Variants in GRM1 observed in about 807,000 individuals in gnomAD.
The protein encoded by GRM1 is metabotropic glutamate receptor 1.
A neutral mutation model predicts 90.9 loss-of-function variants in GRM1; 33 were observed. That is an observed-to-expected ratio of 0.36 (90% CI 0.28 to 0.49). The LOEUF (loss-of-function observed/expected upper bound fraction) is 0.49. GRM1 is among the 20% of genes least tolerant of loss of function. The probability of loss-of-function intolerance (pLI) is 0.99; values close to 1 mark genes in which losing one functional copy is unlikely to be tolerated. For missense variants in GRM1, 1,190 were observed against 1,534.3 expected (o/e 0.78, Z 3.75); for synonymous variants, 700 against 613.2 (o/e 1.14, Z -2.09).
intron 1 of GRM1, among the ~76,000 whole-genome samples, chr6:146,070,609 T>C (rs1279068816): frequency 2.6e-5 from 4 of 152,170 alleles, no homozygotes; most frequent in African/African-American, 9.6e-5. Flanking sequence ...ATTTTCCTAC[T>C]ATACCAGGTA....
intron 1 of GRM1, among the ~76,000 whole-genome samples, chr6:146,069,341 C>T (rs1241642739): frequency 1.3e-5 from 2 of 152,090 alleles, no homozygotes; most frequent in Non-Finnish European, 2.9e-5. Context: ...TATTACATTA[C>T]ATTACATTAC....
intron 5 of GRM1, among the ~76,000 whole-genome samples, chr6:146,373,702 A>G (rs1252748808): frequency 6.6e-6 from 1 of 152,114 alleles, no homozygotes. Context: ...TGATTTTTGT[A>G]TGTTGATTTT....
At chr6:146,144,820 AC>A (rs1777027619) in intron 1 of GRM1, among the ~76,000 whole-genome samples, 1 of 152,058 alleles carries the variant, frequency 6.6e-6, no homozygotes, top group Admixed American at 6.5e-5. Context: ...AAAATCTGAT[AC>A]TCCTTAGAGG....
intron 6 of GRM1, among the ~76,000 whole-genome samples, chr6:146,396,505 G>A (rs1255818882): frequency 6.6e-6 from 1 of 152,192 alleles, no homozygotes; most frequent in Non-Finnish European, 1.5e-5. Context: ...CTCAGGGCCA[G>A]CTTGGATTGG....
intron 2 of GRM1, among the ~76,000 whole-genome samples, chr6:146,228,061 G>A (rs1410888788): frequency 6.6e-6 from 1 of 152,080 alleles, no homozygotes; most frequent in African/African-American, 2.4e-5. Context: ...TGTACAAAAT[G>A]TTAAGGCCTC....
chr6:146,292,491 A>T (rs923648844), intron 2 of GRM1, among the ~76,000 whole-genome samples: 7 of 152,014 alleles, frequency 4.6e-5, no homozygotes, highest in African/African-American at 1.2e-4. Context: ...CAAAGAAAAC[A>T]TACAAGTGAC....
At chr6:146,250,678 A>G (rs991043500) in intron 2 of GRM1, among the ~76,000 whole-genome samples, 9 of 152,190 alleles carry the variant, frequency 5.9e-5, no homozygotes, top group Non-Finnish European at 1.0e-4. Context: ...AGAGGAGAAA[A>G]CTGAGTCACA....
At chr6:146,118,595 T>A in intron 1 of GRM1, among the ~76,000 whole-genome samples, 1 of 152,308 alleles carries the variant, frequency 6.6e-6, no homozygotes, top group Middle Eastern at 3.4e-3. Flanking sequence ...TCCCCACTAC[T>A]CCCACCCTGC....
intron 2 of GRM1, among the ~76,000 whole-genome samples, chr6:146,260,804 GTTTTTTTTTTTTTTT>G (rs56956724): frequency 6.6e-4 from 15 of 22,746 alleles, no homozygotes; most frequent in Admixed American, 1.3e-3. Context: ...GGTTATTTGG[GTTTTTTTTTTTTTTT>G]TTTTTTTTTT....
At chr6:146,348,578 T>C (rs1472222968) in intron 3 of GRM1, among the ~76,000 whole-genome samples, 1 of 152,152 alleles carries the variant, frequency 6.6e-6, no homozygotes, top group Non-Finnish European at 1.5e-5. Context: ...ACAAACTCTG[T>C]GTTTATTTTG....
At chr6:146,318,158 A>G (rs910716340) in intron 3 of GRM1, among the ~76,000 whole-genome samples, 5 of 151,664 alleles carry the variant, frequency 3.3e-5, no homozygotes, top group African/African-American at 1.2e-4. Flanking sequence ...CTAGCCCCCT[A>G]TCCCCCAACA....
intron 3 of GRM1, among the ~76,000 whole-genome samples, chr6:146,331,265 T>A (rs1784580514): frequency 1.3e-5 from 2 of 152,180 alleles, no homozygotes; most frequent in South Asian, 4.1e-4. Flanking sequence ...TCTCATGCCC[T>A]CTTAGAGCTA....
chr6:146,270,121 A>G (rs1583250872), intron 2 of GRM1, among the ~76,000 whole-genome samples: 2 of 152,090 alleles, frequency 1.3e-5, no homozygotes, highest in East Asian at 3.9e-4. Flanking sequence ...GAAAAATTAG[A>G]TTTAGGTAGG....
chr6:146,058,115 T>G (rs886561383), intron 1 of GRM1, among the ~76,000 whole-genome samples: 1 of 152,124 alleles, frequency 6.6e-6, no homozygotes, highest in African/African-American at 2.4e-5. Context: ...TTCGGGTGAT[T>G]GTAACATCAC....
chr6:146,434,926 T>TGCTGCCGCTACTGCTGCTGCTGCC lies in GRM1; in HGVS notation c.*131_*154dup. Reference sequence around the variant, plus strand: ...CGGGAGGACAGGAGACCGCTGCTGCTGCTGCCGCTACTGCTGCTGCTGCCT... The same window carrying TGCTGCCGCTACTGCTGCTGCTGCC: ...CGGGAGGACAGGAGACCGCTGCTGCTGCTGCCGCTACTGCTGCTGCTGCCGCTGCCGCTACTGCTGCTGCTGCCT... On this transcript the variant is annotated 3_prime_UTR_variant, in exon 8 of 8. Coordinates refer to ENST00000282753, the MANE Select transcript of GRM1 (RefSeq NM_001278064.2). 1 of 789,320 alleles carries TGCTGCCGCTACTGCTGCTGCTGCC rather than the reference T, an allele frequency of 1.3e-6. No homozygotes were observed. The highest frequency in any genetic ancestry group is 2.2e-6 in the Non-Finnish European group (1 of 463,932). 48.9% of individuals were successfully genotyped at this position (789,320 alleles called of 1,614,324 possible). A position where few individuals can be genotyped will look rare whatever the true frequency, so the allele number is the denominator to read the frequency against.
At chr6:146,428,678 A>G (rs1778300944) in intron 7 of GRM1, among the ~76,000 whole-genome samples, 1 of 152,200 alleles carries the variant, frequency 6.6e-6, no homozygotes, top group Admixed American at 6.5e-5. Flanking sequence ...GAAGAAATAT[A>G]ATCATATTTG....
intron 2 of GRM1, among the ~76,000 whole-genome samples, chr6:146,220,576 C>A (rs1780026528): frequency 6.6e-6 from 1 of 152,106 alleles, no homozygotes; most frequent in Admixed American, 6.6e-5. Flanking sequence ...ATTTCAGAAA[C>A]TGCTGAATAT....
At chr6:146,371,312 T>A (rs943395625) in intron 5 of GRM1, among the ~76,000 whole-genome samples, 1 of 152,082 alleles carries the variant, frequency 6.6e-6, no homozygotes, top group African/African-American at 2.4e-5. Context: ...CAGTTCTTTT[T>A]ACTTTTTATT....
chr6:146,209,356 A>G (rs745641542), intron 2 of GRM1, among the ~76,000 whole-genome samples: 8 of 152,138 alleles, frequency 5.3e-5, no homozygotes, highest in Non-Finnish European at 1.2e-4. Context: ...AAAGTGTTTT[A>G]AAGATCTGGG....
Sources: gnomAD v4.1 joint callset for allele counts (sites outside exome capture counted in the v4.1 genomes callset) on GRCh38, gnomAD v4.1.1 for gene constraint, MANE v1.5 for transcripts, NCBI Gene and HGNC (gene_info 2026-07-23, HGNC 2026-07-21) for gene names.